Variants in SNTG2 observed in about 807,000 individuals in gnomAD.
SNTG2 encodes gamma-2-syntrophin.
SNTG2 carries 74 observed loss-of-function variants against 70.9 expected under a neutral mutation model. The ratio of observed to expected loss-of-function variants is 1.04; its 90% confidence interval spans 0.86 to 1.27. The LOEUF is 1.27. Ranked by LOEUF, SNTG2 falls within the 50% of genes most tolerant of loss-of-function variation. The pLI is 0.00. For missense variants in SNTG2, 717 were observed against 690.7 expected, an observed-to-expected ratio of 1.04 and a Z score of -0.43; for synonymous variants, 278 against 273.8, an observed-to-expected ratio of 1.02 and a Z score of -0.15.
At chr2:1,265,385 CAT>C (rs1386988518) in intron 13 of SNTG2, among the ~76,000 whole-genome samples, 1 of 152,242 alleles carries the variant, frequency 6.6e-6, no homozygotes, top group Admixed American at 6.5e-5. Context: ...CACACATACA[CAT>C]GTTCATGTGT....
intron 8 of SNTG2, among the ~76,000 whole-genome samples, chr2:1,185,737 A>G (rs540411556): frequency 6.4e-4 from 97 of 152,348 alleles, no homozygotes; most frequent in African/African-American, 2.1e-3. Context: ...GGCCTGGCCC[A>G]GGAAATCATT....
Position 1,016,899 on chromosome 2 carries a change from T to C in SNTG2, c.72+65831T>C, listed in dbSNP as rs188386674. On this transcript the variant is annotated intron_variant, in intron 1 of 16. Coordinates refer to ENST00000308624, the MANE Select transcript of SNTG2 (RefSeq NM_018968.4). The stretch of plus-strand genomic sequence containing the variant: ...TGCAAAACCAGCCAGGACCAGATCA[T>C]GGTGGGTGGTCTCTTATCAGGAGAA... Among the ~76,000 whole-genome samples the C allele has an allele frequency of 1.0e-3, 153 of 152,214 alleles. 1 individual carries two copies. Among genetic ancestry groups the C allele is most frequent in the African/African-American group, 3.6e-3 (148 of 41,542 alleles).
At chr2:1,312,512 G>A (rs1203985395) in intron 15 of SNTG2, among the ~76,000 whole-genome samples, 1 of 152,210 alleles carries the variant, frequency 6.6e-6, no homozygotes, top group African/African-American at 2.4e-5. Flanking sequence ...TCCAGGAGGG[G>A]TGCCGCCTGA....
intron 1 of SNTG2, among the ~76,000 whole-genome samples, chr2:987,795 C>G (rs1661372451): frequency 6.6e-6 from 1 of 152,050 alleles, no homozygotes; most frequent in African/African-American, 2.4e-5. Flanking sequence ...AGGGAGGCCT[C>G]CTAGACAAGG....
chr2:1,069,525 G>A (rs887838872), intron 1 of SNTG2, among the ~76,000 whole-genome samples: 1 of 151,480 alleles, frequency 6.6e-6, no homozygotes, highest in Admixed American at 6.6e-5. Flanking sequence ...GGGCGCAGTG[G>A]CTCATGCCTG....
intron 4 of SNTG2, among the ~76,000 whole-genome samples, chr2:1,137,416 C>A (rs1025442071): frequency 6.6e-6 from 1 of 151,882 alleles, no homozygotes; most frequent in South Asian, 2.1e-4. Context: ...TGCATGCCAC[C>A]CACACCCACA....
chr2:1,148,966 T>G (rs66697220), intron 6 of SNTG2, among the ~76,000 whole-genome samples: 142,458 of 152,072 alleles, frequency 0.94, 66,854 homozygotes, highest in Non-Finnish European at 0.97. Flanking sequence ...GATGCTTCTG[T>G]GCATCGCCCC....
intron 1 of SNTG2, among the ~76,000 whole-genome samples, chr2:1,028,261 A>G (rs1344553260): frequency 2.0e-5 from 3 of 149,544 alleles, no homozygotes; most frequent in Non-Finnish European, 2.9e-5. Flanking sequence ...CACAGACACT[A>G]CCCAGTAAGT....
intron 1 of SNTG2, among the ~76,000 whole-genome samples, chr2:1,042,673 C>T (rs1458465948): frequency 1.3e-5 from 2 of 152,184 alleles, no homozygotes; most frequent in Non-Finnish European, 2.9e-5. Context: ...CCTCCAGCTC[C>T]ATCCATGTTG....
intron 1 of SNTG2, among the ~76,000 whole-genome samples, chr2:971,595 A>G (rs986766297): frequency 6.6e-6 from 1 of 151,766 alleles, no homozygotes; most frequent in African/African-American, 2.4e-5. Flanking sequence ...TATTTTTTTA[A>G]AGAGCAAATT....
chr2:1,338,878 C>A (rs1016635326), intron 16 of SNTG2, among the ~76,000 whole-genome samples: 1 of 152,152 alleles, frequency 6.6e-6, no homozygotes, highest in African/African-American at 2.4e-5. Flanking sequence ...TTGGAATACC[C>A]ATGGGAGTGA....
chr2:1,246,409 G>A (rs1477980049), intron 11 of SNTG2, among the ~76,000 whole-genome samples: 1 of 152,142 alleles, frequency 6.6e-6, no homozygotes, highest in African/African-American at 2.4e-5. Context: ...AGCTGGCGCC[G>A]GCTGTGACGG....
At chr2:1,004,187 C>T (rs904927136) in intron 1 of SNTG2, among the ~76,000 whole-genome samples, 2 of 152,130 alleles carry the variant, frequency 1.3e-5, no homozygotes, top group African/African-American at 4.8e-5. Flanking sequence ...GTGACAAAAA[C>T]TAAATCATTA....
In SNTG2 at chr2:1,331,038, C is replaced by T. The variant is rs942010762; in HGVS notation, c.1488+14663C>T. ...TTCAGAAGCTCCCATCACCTTGGGG[C>T]AGCAGATTGACCATTTCTTTCTTTA... is the stretch of plus-strand genomic sequence containing the variant. On this transcript the variant is annotated intron_variant, in intron 16 of 16. Transcript: ENST00000308624. Among the ~76,000 whole-genome samples the T allele has an allele frequency of 2.0e-5, 3 of 152,282 alleles. No homozygotes were observed. The East Asian group carries it at 5.8e-4, about 29-fold the overall frequency.
chr2:1,116,796 GC>G, intron 4 of SNTG2, among the ~76,000 whole-genome samples: 1 of 148,942 alleles, frequency 6.7e-6, no homozygotes, highest in African/African-American at 2.5e-5. Context: ...GTGTGTGGGT[GC>G]CCTGGTTTAC....
chr2:1,271,217 C>A lies in SNTG2; in HGVS notation c.1284+3646C>A, dbSNP rs531710595. On this transcript the variant is annotated intron_variant, in intron 14 of 16. Transcript: ENST00000308624. Reference sequence around the variant, plus strand: ...CAGACCTTCCATGTTCCAGCCTCTCCATCCCTGCCTCCCAAGCTGAGGTAC... The same window carrying A: ...CAGACCTTCCATGTTCCAGCCTCTCAATCCCTGCCTCCCAAGCTGAGGTAC... 5.3e-5 allele frequency among the ~76,000 whole-genome samples: 8 copies of A among 152,290 alleles called. No homozygotes were observed. The East Asian group carries it at 1.5e-3, about 29-fold the overall frequency.
intron 4 of SNTG2, among the ~76,000 whole-genome samples, chr2:1,127,023 A>AG (rs1667737202): frequency 1.3e-5 from 2 of 152,036 alleles, no homozygotes; most frequent in Non-Finnish European, 2.9e-5. Context: ...GGTTTTATAC[A>AG]ATTTTTTCTC....
intron 1 of SNTG2, among the ~76,000 whole-genome samples, chr2:1,004,620 A>G (rs542965486): frequency 2.6e-4 from 40 of 152,298 alleles, no homozygotes; most frequent in African/African-American, 9.6e-4. Context: ...ACAACCCTAC[A>G]CCACTGTTAG....
intron 1 of SNTG2, among the ~76,000 whole-genome samples, chr2:954,831 C>T (rs945401250): frequency 6.6e-6 from 1 of 152,210 alleles, no homozygotes; most frequent in African/African-American, 2.4e-5. Context: ...GTTTTCTCCC[C>T]TTGCACATTT....
Sources: allele counts gnomAD v4.1 joint callset (sites outside exome capture counted in the v4.1 genomes callset), GRCh38; gene constraint gnomAD v4.1.1; transcripts MANE v1.5; gene names NCBI Gene and HGNC (gene_info 2026-07-23, HGNC 2026-07-21).